MAML3: variants seen among roughly 807,000 people sequenced by gnomAD.
The protein encoded by MAML3 is mastermind-like protein 3.
Under a neutral mutation model 101.9 loss-of-function variants are expected in MAML3, and 27 were observed. That is an observed-to-expected ratio of 0.27 (90% CI 0.20 to 0.37). MAML3 has a LOEUF of 0.37. MAML3 is among the 10% of genes least tolerant of loss of function. The pLI, the probability that MAML3 is intolerant of heterozygous loss-of-function variation, is 1.00. For missense variants in MAML3, 1,316 were observed against 1,444.9 expected, an observed-to-expected ratio of 0.91 and a Z score of 1.45; for synonymous variants, 501 against 555.9, an observed-to-expected ratio of 0.90 and a Z score of 1.39.
chr4:139,772,208 C>A (rs1422487141), intron 2 of MAML3, among the ~76,000 whole-genome samples: 1 of 125,166 alleles, frequency 8.0e-6, no homozygotes, highest in Non-Finnish European at 1.6e-5. Flanking sequence ...CCACTGCACT[C>A]CAGCCTGGGT....
intron 1 of MAML3, among the ~76,000 whole-genome samples, chr4:139,933,572 G>T (rs1242534889): frequency 6.6e-6 from 1 of 152,110 alleles, no homozygotes; most frequent in East Asian, 1.9e-4. Context: ...TCTTTTTCTG[G>T]GCTTCTCAAG....
chr4:139,729,178 A>T (rs1728599801), intron 3 of MAML3, among the ~76,000 whole-genome samples: 1 of 138,668 alleles, frequency 7.2e-6, no homozygotes, highest in Non-Finnish European at 1.6e-5. Context: ...AAAAAAAAAA[A>T]AGGGAACATA....
chr4:140,081,935 C>T (rs1727867040), intron 1 of MAML3, among the ~76,000 whole-genome samples: 1 of 152,184 alleles, frequency 6.6e-6, no homozygotes, highest in African/African-American at 2.4e-5. Flanking sequence ...CAGAATAGGA[C>T]CTTCTGCTTT....
chr4:140,074,207 AAG>A (rs1004116367), intron 1 of MAML3, among the ~76,000 whole-genome samples: 5 of 123,466 alleles, frequency 4.0e-5, no homozygotes, highest in African/African-American at 1.5e-4. Flanking sequence ...AAGAGAAAGA[AAG>A]AAAGAAAGAA....
intron 1 of MAML3, among the ~76,000 whole-genome samples, chr4:140,028,000 G>A (rs1040358157): frequency 2.6e-5 from 4 of 152,064 alleles, no homozygotes; most frequent in African/African-American, 9.7e-5. Context: ...CCTCTCAAAT[G>A]TTCTAGTATT....
Position 139,718,021 on chromosome 4 carries a change from C to G in MAML3, c.*1302G>C, listed in dbSNP as rs115457956. 14 of 152,236 alleles carry G rather than the reference C, an allele frequency of 9.2e-5. No homozygotes were observed. The highest frequency in any genetic ancestry group is 2.1e-4 in the Non-Finnish European group (14 of 68,012). The allele number at this position is 152,236 out of a possible 1,614,324, so 9.4% of individuals were successfully genotyped here. A position where few individuals can be genotyped will look rare whatever the true frequency, so the allele number is the denominator to read the frequency against. On this transcript the variant is annotated 3_prime_UTR_variant, in exon 5 of 5. Coordinates refer to ENST00000509479, the MANE Select transcript of MAML3 (RefSeq NM_018717.5). ...TGGAGCAATTGCTTTTTTAGCTCCT[C>G]CACCTCTCTGGGATTTTATATTTGT...
chr4:139,996,422 T>C (rs1734815323), intron 1 of MAML3, among the ~76,000 whole-genome samples: 1 of 152,200 alleles, frequency 6.6e-6, no homozygotes, highest in Admixed American at 6.5e-5. Flanking sequence ...TGTGTGTTTC[T>C]GTTTCATGTT....
chr4:139,763,204 C>T (rs187491024), intron 2 of MAML3, among the ~76,000 whole-genome samples: 1 of 152,298 alleles, frequency 6.6e-6, no homozygotes, highest in African/African-American at 2.4e-5. Context: ...GAGGAGATTC[C>T]TCCTGCCACA....
At chr4:140,151,374 A>T (rs1005875995) in intron 1 of MAML3, among the ~76,000 whole-genome samples, 1 of 151,292 alleles carries the variant, frequency 6.6e-6, no homozygotes, top group Non-Finnish European at 1.5e-5. Flanking sequence ...GTTCCTCTTC[A>T]CGTGCGGGGT....
chr4:139,805,466 C>G (rs554856651), intron 2 of MAML3, among the ~76,000 whole-genome samples: 1 of 152,238 alleles, frequency 6.6e-6, no homozygotes, highest in African/African-American at 2.4e-5. Flanking sequence ...TCAAGACCCT[C>G]TTTTTAAAAA....
intron 1 of MAML3, among the ~76,000 whole-genome samples, chr4:139,965,956 T>TG (rs1370245708): frequency 6.6e-6 from 1 of 152,112 alleles, no homozygotes; most frequent in East Asian, 1.9e-4. Flanking sequence ...AGGGCACTGG[T>TG]GAAAAACTAT....
At chr4:140,066,068 A>G (rs892020604) in intron 1 of MAML3, among the ~76,000 whole-genome samples, 1 of 152,248 alleles carries the variant, frequency 6.6e-6, no homozygotes, top group South Asian at 2.1e-4. Context: ...TCAGAAACAC[A>G]TCCATGTGTC....
chr4:139,717,162 A>C lies in MAML3; in HGVS notation c.*2161T>G, dbSNP rs1728009087. On this transcript the variant is annotated 3_prime_UTR_variant, in exon 5 of 5. Transcript: ENST00000509479. ...CATATACATCAGCACCGTAGTAAAA[A>C]CAAAACCAAAACAAAACCACCATAT... 1 of 152,604 alleles carries C rather than the reference A, an allele frequency of 6.6e-6. No homozygotes were observed. Among genetic ancestry groups the C allele is most frequent in the Admixed American group, 6.5e-5 (1 of 15,272 alleles). The allele number at this position is 152,604 out of a possible 1,614,324, so 9.5% of individuals were successfully genotyped here.
intron 2 of MAML3, among the ~76,000 whole-genome samples, chr4:139,859,226 CA>C (rs755980795): frequency 6.7e-5 from 9 of 134,758 alleles, no homozygotes; most frequent in African/African-American, 2.5e-4. Context: ...GGTTCTACTA[CA>C]TTTTTTTTTT....
chr4:139,783,947 C>T (rs1347525202), intron 2 of MAML3, among the ~76,000 whole-genome samples: 1 of 152,240 alleles, frequency 6.6e-6, no homozygotes, highest in Non-Finnish European at 1.5e-5. Flanking sequence ...TGTTTTCAGA[C>T]TAACCAGCAT....
chr4:139,725,047 C>T (rs1728409579), intron 4 of MAML3, among the ~76,000 whole-genome samples: 2 of 152,198 alleles, frequency 1.3e-5, no homozygotes, highest in Admixed American at 1.3e-4. Flanking sequence ...GCGTGAGCCA[C>T]CGCACCCGGC....
At chr4:140,052,066 CA>C (rs1462792038) in intron 1 of MAML3, among the ~76,000 whole-genome samples, 3 of 152,122 alleles carry the variant, frequency 2.0e-5, no homozygotes, top group Non-Finnish European at 4.4e-5. Context: ...CCTCATTTAT[CA>C]GTTGCTTTCA....
At chr4:139,721,063 G>T (rs142547970) in intron 4 of MAML3, among the ~76,000 whole-genome samples, 110 of 152,334 alleles carry the variant, frequency 7.2e-4, no homozygotes, top group Non-Finnish European at 1.3e-3. Context: ...GCTAGAAAAA[G>T]AAATCATCCT....
chr4:140,032,879 T>TA (rs34897100), intron 1 of MAML3, among the ~76,000 whole-genome samples: 54 of 137,756 alleles, frequency 3.9e-4, no homozygotes, highest in East Asian at 1.9e-3. Context: ...TCATTGTTTG[T>TA]AAAAAAAAAA....
Sources: gnomAD v4.1 joint callset for allele counts (sites outside exome capture counted in the v4.1 genomes callset) on GRCh38, gnomAD v4.1.1 for gene constraint, MANE v1.5 for transcripts, NCBI Gene and HGNC (gene_info 2026-07-23, HGNC 2026-07-21) for gene names.